Variants in AGBL1 observed in about 807,000 individuals in gnomAD.
AGBL1 encodes AGBL carboxypeptidase 1, also known as cytosolic carboxypeptidase 4.
Under a neutral mutation model 118.9 loss-of-function variants are expected in AGBL1, and 130 were observed. That is an observed-to-expected ratio of 1.09 (90% CI 0.95 to 1.26). The LOEUF is 1.26. AGBL1 is among the 50% of genes most tolerant of loss of function. The pLI is 0.00. For missense variants in AGBL1, 1,584 were observed against 1,298.1 expected, an observed-to-expected ratio of 1.22 and a Z score of -3.38; for synonymous variants, 555 against 478.9, an observed-to-expected ratio of 1.16 and a Z score of -2.08.
chr15:86,694,696 A>C (rs1475245628), intron 22 of AGBL1, among the ~76,000 whole-genome samples: 2 of 152,046 alleles, frequency 1.3e-5, no homozygotes, highest in African/African-American at 4.8e-5. Flanking sequence ...AACATGTTCA[A>C]CTTTTCCCCA....
chr15:86,478,357 T>G (rs2082594139), intron 18 of AGBL1, among the ~76,000 whole-genome samples: 1 of 152,228 alleles, frequency 6.6e-6, no homozygotes, highest in Admixed American at 6.5e-5. Flanking sequence ...CGAAATCTCC[T>G]TAAGCTGATA....
At chr15:86,611,657 T>A (rs1307158469) in intron 21 of AGBL1, among the ~76,000 whole-genome samples, 1 of 151,812 alleles carries the variant, frequency 6.6e-6, no homozygotes. Flanking sequence ...GTCAAGGTAT[T>A]TTTTCCCCCT....
At chr15:86,585,223 G>A (rs554157341) in intron 21 of AGBL1, among the ~76,000 whole-genome samples, 1 of 152,032 alleles carries the variant, frequency 6.6e-6, no homozygotes, top group African/African-American at 2.4e-5. Context: ...AGAACTGGAA[G>A]TTTTATTTGT....
At chr15:86,161,583 T>C (rs927021748) in intron 5 of AGBL1, among the ~76,000 whole-genome samples, 2 of 152,208 alleles carry the variant, frequency 1.3e-5, no homozygotes, top group Non-Finnish European at 2.9e-5. Context: ...GACGATCATA[T>C]GCAGTTAAAG....
intron 18 of AGBL1, among the ~76,000 whole-genome samples, chr15:86,510,396 A>C (rs1023209045): frequency 6.6e-6 from 1 of 152,068 alleles, no homozygotes; most frequent in Non-Finnish European, 1.5e-5. Flanking sequence ...GCTCTTAGGC[A>C]TAGAAAAAGG....
At chr15:86,735,483 T>TGG (rs1185253853) in intron 22 of AGBL1, among the ~76,000 whole-genome samples, 2 of 152,008 alleles carry the variant, frequency 1.3e-5, no homozygotes, top group African/African-American at 4.8e-5. Context: ...ACATATATAT[T>TGG]GAAGATCATT....
intron 22 of AGBL1, among the ~76,000 whole-genome samples, chr15:86,684,514 T>A (rs2086020054): frequency 6.6e-6 from 1 of 151,702 alleles, no homozygotes; most frequent in Admixed American, 6.6e-5. Flanking sequence ...TGAGACAGGA[T>A]CTCACTATGT....
chr15:86,825,542 AAAG>A (rs2078996985), intron 22 of AGBL1, among the ~76,000 whole-genome samples: 1 of 151,654 alleles, frequency 6.6e-6, no homozygotes, highest in African/African-American at 2.4e-5. Flanking sequence ...AATACCCAAA[AAAG>A]AGACATTTTA....
rs1210433911 is a variant in AGBL1, at chr15:86,910,118, A to G, written c.*2824A>G. The G allele has an allele frequency of 1.3e-5, 2 of 152,262 alleles. No homozygotes were observed. Among genetic ancestry groups the G allele is most frequent in the African/African-American group, 4.8e-5 (2 of 41,470 alleles). The allele number at this position is 152,262 out of a possible 1,614,324, so 9.4% of individuals were successfully genotyped here. A position where few individuals can be genotyped will look rare whatever the true frequency, so the allele number is the denominator to read the frequency against. ...ATGGAACTCTGCAAAGAATATTACA[A>G]AAACGCCTAATCTAATGGGGGTGGC... is the stretch of plus-strand genomic sequence containing the variant. On this transcript the variant is annotated 3_prime_UTR_variant, in exon 23 of 23. Transcript: ENST00000614907.
At position 86,269,998 on chromosome 15, in the gene AGBL1, A is replaced by G. The variant is rs200404641; in HGVS notation, c.1918A>G (p.Met640Val). The change falls in exon 14 of 23, where the codon ATG (methionine) becomes GTG (valine). Residue 640 changes from methionine (M) to valine (V), a missense_variant. Physicochemically the swap from Met to Val is conservative, Grantham distance 21. Transcript: ENST00000614907. ...QQWFYFKVSG[M>V]QAAIPYHFNI... ...GTGGTTCTATTTCAAAGTGAGCGGT[A>G]TGCAGGCGGCCATCCCTTACCACTT... The G allele has an allele frequency of 2.0e-4, 329 of 1,613,756 alleles. 1 individual carries two copies. Among genetic ancestry groups the G allele is most frequent in the Non-Finnish European group, 2.6e-4 (301 of 1,179,796 alleles).
intron 5 of AGBL1, among the ~76,000 whole-genome samples, chr15:86,223,404 A>C (rs1203896362): frequency 6.6e-6 from 1 of 152,054 alleles, no homozygotes; most frequent in Non-Finnish European, 1.5e-5. Context: ...TGCTTTTCCC[A>C]AAACACTGAT....
chr15:86,658,646 C>T (rs913518015), intron 21 of AGBL1, among the ~76,000 whole-genome samples: 4 of 152,164 alleles, frequency 2.6e-5, no homozygotes, highest in Non-Finnish European at 4.4e-5. Context: ...TACTTTGACA[C>T]ATAGGTATCA....
intron 21 of AGBL1, among the ~76,000 whole-genome samples, chr15:86,589,326 C>A (rs2142348023): frequency 6.6e-6 from 1 of 152,200 alleles, no homozygotes; most frequent in African/African-American, 2.4e-5. Context: ...GGGCTGACCA[C>A]CCCATGAGGA....
At chr15:86,759,832 G>A (rs2077998736) in intron 22 of AGBL1, among the ~76,000 whole-genome samples, 1 of 152,084 alleles carries the variant, frequency 6.6e-6, no homozygotes, top group Admixed American at 6.6e-5. Flanking sequence ...AACATTTATT[G>A]TAATCATTTT....
chr15:86,775,039 C>T (rs373724712), intron 22 of AGBL1, among the ~76,000 whole-genome samples: 56 of 152,288 alleles, frequency 3.7e-4, no homozygotes, highest in African/African-American at 1.3e-3. Flanking sequence ...AACCCCTGCT[C>T]TATGGCAGAC....
intron 22 of AGBL1, among the ~76,000 whole-genome samples, chr15:86,858,580 T>C (rs969609672): frequency 1.3e-5 from 2 of 152,108 alleles, no homozygotes; most frequent in Non-Finnish European, 2.9e-5. Context: ...CAACCTATTA[T>C]GTCCAGGAGA....
At chr15:86,265,727 T>C (rs7181015) in intron 11 of AGBL1, among the ~76,000 whole-genome samples, 38,537 of 152,112 alleles carry the variant, frequency 0.25, 5,237 homozygotes, top group Middle Eastern at 0.35. Flanking sequence ...TATCCCTGCA[T>C]AGGACATCTT....
At chr15:86,986,892 A>G (rs2081289497) in intron 23 of AGBL1, among the ~76,000 whole-genome samples, 1 of 152,104 alleles carries the variant, frequency 6.6e-6, no homozygotes, top group Non-Finnish European at 1.5e-5. Context: ...CTGAGTCTGA[A>G]AAGAGAGTCA....
At chr15:86,483,341 G>A (rs1157626114) in intron 18 of AGBL1, among the ~76,000 whole-genome samples, 1 of 152,102 alleles carries the variant, frequency 6.6e-6, no homozygotes, top group Non-Finnish European at 1.5e-5. Context: ...AAAGAGAGGG[G>A]CAGTTTAAGG....
Sources: allele counts gnomAD v4.1 joint callset (sites outside exome capture counted in the v4.1 genomes callset), GRCh38; gene constraint gnomAD v4.1.1; transcripts MANE v1.5; gene names NCBI Gene and HGNC (gene_info 2026-07-23, HGNC 2026-07-21).